The following AGBL4 variants were observed in gnomAD, a reference collection of about 807,000 sequenced individuals.
AGBL4 encodes AGBL carboxypeptidase 4.
A neutral mutation model predicts 66.4 loss-of-function variants in AGBL4; 58 were observed. The observed-to-expected ratio is 0.87, with a 90% confidence interval of 0.71 to 1.09. The LOEUF (loss-of-function observed/expected upper bound fraction) is 1.09, where lower values mean the gene tolerates loss of function less well. Among genes scored for constraint, AGBL4 ranks in the 50% least tolerant of loss-of-function variants. AGBL4 has a pLI of 0.00. For missense variants in AGBL4, 579 were observed against 631.0 expected, an observed-to-expected ratio of 0.92 and a Z score of 0.88; for synonymous variants, 234 against 222.9, an observed-to-expected ratio of 1.05 and a Z score of -0.44.
chr1:49,305,279 T>A (rs1349877420), intron 3 of AGBL4, among the ~76,000 whole-genome samples: 4 of 152,220 alleles, frequency 2.6e-5, no homozygotes, highest in Non-Finnish European at 5.9e-5. Flanking sequence ...AAAAGGTGAC[T>A]GTTTTTTAAA....
At chr1:48,561,036 C>T (rs1056272638) in intron 11 of AGBL4, among the ~76,000 whole-genome samples, 29 of 152,210 alleles carry the variant, frequency 1.9e-4, no homozygotes, top group African/African-American at 6.8e-4. Flanking sequence ...CTAGTCATTC[C>T]CTAATGCTCC....
chr1:48,888,749 C>G (rs1650621868), intron 5 of AGBL4, among the ~76,000 whole-genome samples: 1 of 152,188 alleles, frequency 6.6e-6, no homozygotes, highest in Non-Finnish European at 1.5e-5. Context: ...TATGCTTCTG[C>G]ATTTTGGAAT....
chr1:48,718,772 G>A (rs1003857141), intron 6 of AGBL4, among the ~76,000 whole-genome samples: 9 of 152,062 alleles, frequency 5.9e-5, no homozygotes, highest in African/African-American at 2.2e-4. Context: ...TATTATAATT[G>A]AGCCTGTATA....
At chr1:48,648,597 G>A (rs914654709) in intron 8 of AGBL4, among the ~76,000 whole-genome samples, 8 of 152,162 alleles carry the variant, frequency 5.3e-5, no homozygotes, top group Non-Finnish European at 8.8e-5. Context: ...GGCAATGTGC[G>A]GGAGTGTGGC....
intron 11 of AGBL4, among the ~76,000 whole-genome samples, chr1:48,580,858 C>T (rs1644728901): frequency 6.6e-6 from 1 of 152,194 alleles, no homozygotes. Context: ...GCCCCAGCTA[C>T]CCTCCAATCC....
intron 2 of AGBL4, among the ~76,000 whole-genome samples, chr1:49,756,200 A>G (rs1481862827): frequency 1.3e-5 from 2 of 152,134 alleles, no homozygotes; most frequent in Non-Finnish European, 2.9e-5. Flanking sequence ...CATAATTTAC[A>G]TGTCCCCTCC....
intron 4 of AGBL4, among the ~76,000 whole-genome samples, chr1:49,201,844 A>G (rs1473604243): frequency 6.6e-6 from 1 of 152,140 alleles, no homozygotes; most frequent in South Asian, 2.1e-4. Context: ...TTTAAATTTG[A>G]TAACAGTTTC....
At chr1:49,738,134 G>A (rs1276700032) in intron 2 of AGBL4, among the ~76,000 whole-genome samples, 1 of 152,234 alleles carries the variant, frequency 6.6e-6, no homozygotes, top group African/African-American at 2.4e-5. Context: ...AAGAGAAAGG[G>A]ATTAGGGAAT....
chr1:49,759,986 G>C (rs1445451051), intron 2 of AGBL4, among the ~76,000 whole-genome samples: 5 of 152,180 alleles, frequency 3.3e-5, no homozygotes, highest in African/African-American at 1.2e-4. Flanking sequence ...TTCTTAATGA[G>C]TACAGGAGTT....
intron 5 of AGBL4, among the ~76,000 whole-genome samples, chr1:48,913,381 T>C (rs1477795287): frequency 6.6e-6 from 1 of 152,178 alleles, no homozygotes; most frequent in East Asian, 1.9e-4. Context: ...TGTGTCCTGT[T>C]AGGAACTGGG....
At chr1:49,225,411 G>A (rs1007191063) in intron 4 of AGBL4, among the ~76,000 whole-genome samples, 8 of 152,118 alleles carry the variant, frequency 5.3e-5, no homozygotes, top group South Asian at 2.1e-4. Context: ...AAAGATACAC[G>A]CTATTTAGCT....
intron 1 of AGBL4, among the ~76,000 whole-genome samples, chr1:49,852,474 A>C (rs2148065811): frequency 6.6e-6 from 1 of 152,314 alleles, no homozygotes; most frequent in South Asian, 2.1e-4. Context: ...TTCAGAAGGA[A>C]GATTACAGGC....
intron 3 of AGBL4, among the ~76,000 whole-genome samples, chr1:49,382,382 A>C (rs916556742): frequency 2.0e-5 from 3 of 152,146 alleles, no homozygotes; most frequent in African/African-American, 7.2e-5. Flanking sequence ...ATAATACACC[A>C]TATTGAAAAA....
Position 49,901,572 on chromosome 1 carries a change from C to A in AGBL4, c.35-50054G>T, listed in dbSNP as rs1649769019. On this transcript the variant is annotated intron_variant, in intron 1 of 13. Transcript: ENST00000371839. The stretch of plus-strand genomic sequence containing the variant: ...AGCAAATGGAAAAACATTCCATGCT[C>A]ATGGAAAGGAGGAATCAATATGGTT... 2.6e-5 allele frequency among the ~76,000 whole-genome samples: 4 copies of A among 152,222 alleles called. No homozygotes were observed. The South Asian group carries it at 8.3e-4, about 32-fold the overall frequency.
rs113187558 is a variant in AGBL4 at position 49,844,811 on chromosome 1, G to A, written c.157+6585C>T. 11,352 of 1,548,716 alleles carry A rather than the reference G, an allele frequency of 7.3e-3. 52 individuals are homozygous for A. The highest frequency in any genetic ancestry group is 9.2e-3 in the Non-Finnish European group (10,357 of 1,121,448). On this transcript the variant is annotated intron_variant, in intron 2 of 13. Transcript: ENST00000371839. ...TGGGATGGTCTGTGGTACTGCAGGG[G>A]TGAAGACACTGTGGGCCACTGGGAA...
At chr1:49,568,646 A>C (rs1644265976) in intron 3 of AGBL4, among the ~76,000 whole-genome samples, 1 of 152,202 alleles carries the variant, frequency 6.6e-6, no homozygotes, top group Admixed American at 6.5e-5. Flanking sequence ...GAACTAAAAA[A>C]AAACAAAAAG....
intron 1 of AGBL4, among the ~76,000 whole-genome samples, chr1:49,948,564 AATAT>A (rs71059566): frequency 0.019 from 1,250 of 64,550 alleles, 17 homozygotes; most frequent in Middle Eastern, 0.061. Context: ...AATATATAAA[AATAT>A]ATATATATAT....
At chr1:49,175,844 C>T (rs1646820642) in intron 4 of AGBL4, among the ~76,000 whole-genome samples, 1 of 152,094 alleles carries the variant, frequency 6.6e-6, no homozygotes, top group South Asian at 2.1e-4. Context: ...CAAGTAAGTG[C>T]TATGAACTAC....
intron 6 of AGBL4, among the ~76,000 whole-genome samples, chr1:48,805,125 G>A (rs1399971358): frequency 6.6e-6 from 1 of 152,142 alleles, no homozygotes; most frequent in Non-Finnish European, 1.5e-5. Context: ...AACAGTCAGA[G>A]GTGGTTATTG....
Sources: allele counts gnomAD v4.1 joint callset (sites outside exome capture counted in the v4.1 genomes callset), GRCh38; gene constraint gnomAD v4.1.1; transcripts MANE v1.5; gene names NCBI Gene and HGNC (gene_info 2026-07-23, HGNC 2026-07-21).